The following GPR158 variants were observed in gnomAD, a reference collection of about 807,000 sequenced individuals.
The protein encoded by GPR158 is G protein-coupled receptor 158.
Under a neutral mutation model 78.2 loss-of-function variants are expected in GPR158, and 30 were observed. That is an observed-to-expected ratio of 0.38 (90% CI 0.29 to 0.52). GPR158 has a LOEUF of 0.52. GPR158 is among the 20% of genes least tolerant of loss of function. The pLI is 0.83. For synonymous variants in GPR158, 581 were observed against 591.1 expected (o/e 0.98, Z 0.25); for missense variants, 1,463 against 1,523.5 (o/e 0.96, Z 0.66).
chr10:25,225,550 T>C lies in GPR158; in HGVS notation c.1008+4393T>C, dbSNP rs187802404. ...AGGGCATTAACATTAATCCAAGTCC[T>C]ACATAAAACAAGGCTTAACAGCTTA... On this transcript the variant is annotated intron_variant, in intron 2 of 10. Transcript: ENST00000376351. 2.0e-3 allele frequency among the ~76,000 whole-genome samples: 297 copies of C among 152,250 alleles called. 3 individuals carry two copies. The highest frequency in any genetic ancestry group is 5.8e-3 in the South Asian group (28 of 4,828).
chr10:25,213,149 C>T (rs1281226057), intron 1 of GPR158, among the ~76,000 whole-genome samples: 1 of 151,796 alleles, frequency 6.6e-6, no homozygotes, highest in East Asian at 1.9e-4. Context: ...TCTCATTTTT[C>T]TTTTTCAGTT....
In GPR158 at chr10:25,178,060, G is replaced by A. The variant is rs193123618; in HGVS notation, c.902+1738G>A. Among the ~76,000 whole-genome samples, 34 of 152,316 alleles carry A rather than the reference G, an allele frequency of 2.2e-4. No homozygotes were observed. The South Asian group carries it at 6.4e-3, about 29-fold the overall frequency. On this transcript the variant is annotated intron_variant, in intron 1 of 10. Transcript: ENST00000376351. Reference sequence around the variant, plus strand: ...GAGCCCCAAGTCCCAGGATTTATCTGTCTTTTTCATCTAACATTCGCTTTA... The same window carrying A: ...GAGCCCCAAGTCCCAGGATTTATCTATCTTTTTCATCTAACATTCGCTTTA...
At position 25,522,706 on chromosome 10, in the gene GPR158, G is replaced by A. The variant is rs190697741; in HGVS notation, c.1405-28270G>A. On this transcript the variant is annotated intron_variant, in intron 5 of 10. Coordinates refer to ENST00000376351, the MANE Select transcript of GPR158 (RefSeq NM_020752.3). ...TATTATTTATGGATACATATAAATG[G>A]AACAAACATAGAAAACATGTACTGG... 1.1e-4 allele frequency among the ~76,000 whole-genome samples: 16 copies of A among 152,258 alleles called. No individual in the cohort carries two copies. The East Asian group carries it at 3.1e-3, about 29-fold the overall frequency.
chr10:25,498,621 C>G (rs1233554375), intron 5 of GPR158, among the ~76,000 whole-genome samples: 2 of 152,040 alleles, frequency 1.3e-5, no homozygotes, highest in Non-Finnish European at 2.9e-5. Flanking sequence ...AGTTTTGTGC[C>G]CAGCTGTCTA....
Position 25,589,052 on chromosome 10 carries a change from T to C in GPR158, c.1799T>C (p.Val600Ala). 6.2e-7 allele frequency: 1 copy of C among 1,611,772 alleles called. No individual in the cohort carries two copies. The highest frequency in any genetic ancestry group is 1.1e-5 in the South Asian group (1 of 90,840). The change falls in exon 8 of 11, where the codon GTG becomes GCG. Residue 600 changes from valine (V) to alanine (A), a missense_variant. Val to Ala is a moderately conservative substitution (Grantham distance 64, BLOSUM62 0). Coordinates refer to ENST00000376351, the MANE Select transcript of GPR158 (RefSeq NM_020752.3). ...LLWGVYLCYA[V>A]RTVPSAFHEP... is the part of the protein sequence containing the mutation. ...TGGGGTGTTTATCTCTGCTATGCAGTGCGGACAGTCCCATCGGCATTCCAT... is the reference window on the plus strand; with the variant it reads ...TGGGGTGTTTATCTCTGCTATGCAGCGCGGACAGTCCCATCGGCATTCCAT...
chr10:25,252,668 G>A (rs375923614), intron 2 of GPR158, among the ~76,000 whole-genome samples: 22 of 151,538 alleles, frequency 1.5e-4, no homozygotes, highest in African/African-American at 5.4e-4. Flanking sequence ...GCAGTCTGCC[G>A]GTTCTCAGAT....
intron 2 of GPR158, among the ~76,000 whole-genome samples, chr10:25,242,809 A>G (rs189367973): frequency 3.2e-4 from 48 of 152,308 alleles, no homozygotes; most frequent in Admixed American, 1.7e-3. Context: ...CAGAGAATAT[A>G]TATCATGTGG....
In GPR158 at chr10:25,514,527, T is replaced by C. The variant is rs141119029; in HGVS notation, c.1405-36449T>C. Among the ~76,000 whole-genome samples, 1,168 of 152,262 alleles carry C rather than the reference T, an allele frequency of 7.7e-3. 57 individuals are homozygous for C. The highest frequency in any genetic ancestry group is 4.8e-3 in the East Asian group (25 of 5,186). On this transcript the variant is annotated intron_variant, in intron 5 of 10. Coordinates refer to ENST00000376351, the MANE Select transcript of GPR158 (RefSeq NM_020752.3). ...TACATTCAATGTTAGTATTGAGATA[T>C]TGAGATGTGAAGTACTATTCTATTC...
rs539048712 is a variant in GPR158 at position 25,317,717 on chromosome 10, T to G, written c.1009-78194T>G. On this transcript the variant is annotated intron_variant, in intron 2 of 10. Coordinates refer to ENST00000376351, the MANE Select transcript of GPR158 (RefSeq NM_020752.3). Reference sequence around the variant, plus strand: ...TAAATTCTGTTTTCTTCGTAAAGTGTTTTTTTTTGTTTTGTTTTGTTTTGT... The same window carrying G: ...TAAATTCTGTTTTCTTCGTAAAGTGGTTTTTTTTGTTTTGTTTTGTTTTGT... Among the ~76,000 whole-genome samples the G allele has an allele frequency of 3.5e-4, 40 of 115,464 alleles. No homozygotes were observed. In the East Asian group the frequency reaches 8.0e-3, roughly 23 times the overall value. The allele number at this position is 115,464 out of a possible 152,430, so 75.7% of individuals were successfully genotyped here. A position where few individuals can be genotyped will look rare whatever the true frequency, so the allele number is the denominator to read the frequency against.
intron 6 of GPR158, among the ~76,000 whole-genome samples, chr10:25,565,635 G>A (rs1204710825): frequency 6.6e-6 from 1 of 152,154 alleles, no homozygotes; most frequent in African/African-American, 2.4e-5. Flanking sequence ...AGATGATTTT[G>A]CTACTGACTG....
chr10:25,483,402 T>C (rs759938628), intron 5 of GPR158, among the ~76,000 whole-genome samples: 28 of 152,128 alleles, frequency 1.8e-4, no homozygotes, highest in Admixed American at 3.3e-4. Flanking sequence ...TGCTAAAATA[T>C]ATTCTTCTTG....
At chr10:25,202,058 C>T (rs1852936544) in intron 1 of GPR158, among the ~76,000 whole-genome samples, 1 of 152,028 alleles carries the variant, frequency 6.6e-6, no homozygotes, top group African/African-American at 2.4e-5. Context: ...ATTATATTAG[C>T]TCTTCATTTT....
At chr10:25,447,138 C>G (rs999848285) in intron 4 of GPR158, among the ~76,000 whole-genome samples, 1 of 151,754 alleles carries the variant, frequency 6.6e-6, no homozygotes, top group Non-Finnish European at 1.5e-5. Flanking sequence ...TTGTTTATAC[C>G]TAAGGAGGAC....
intron 5 of GPR158, among the ~76,000 whole-genome samples, chr10:25,524,581 C>T (rs916546717): frequency 3.3e-5 from 5 of 152,102 alleles, no homozygotes; most frequent in African/African-American, 1.2e-4. Context: ...ACTGGATATC[C>T]ATAAGCAGAA....
intron 4 of GPR158, among the ~76,000 whole-genome samples, chr10:25,435,565 G>C (rs1834987741): frequency 1.3e-5 from 2 of 152,204 alleles, no homozygotes; most frequent in Admixed American, 1.3e-4. Context: ...CAGTGGCAGA[G>C]TGGAGAGGTG....
At position 25,600,614 on chromosome 10, in the gene GPR158, C is replaced by G. The variant is rs142455873; in HGVS notation, c.*1340C>G. 39 of 152,696 alleles carry G rather than the reference C, an allele frequency of 2.6e-4. No homozygotes were observed. The highest frequency in any genetic ancestry group is 8.7e-4 in the African/African-American group (36 of 41,570). 9.5% of individuals were successfully genotyped at this position (152,696 alleles called of 1,614,324 possible). A position where few individuals can be genotyped will look rare whatever the true frequency, so the allele number is the denominator to read the frequency against. ...AAACTCTTATTCATTGCTTCAGCTACAGGTAGAACTTGCTGGGCTCAAATC... is the reference window on the plus strand; with the variant it reads ...AAACTCTTATTCATTGCTTCAGCTAGAGGTAGAACTTGCTGGGCTCAAATC... On this transcript the variant is annotated 3_prime_UTR_variant, in exon 11 of 11. Transcript: ENST00000376351.
At chr10:25,376,257 G>C (rs1253974049) in intron 2 of GPR158, among the ~76,000 whole-genome samples, 4 of 151,424 alleles carry the variant, frequency 2.6e-5, no homozygotes, top group Non-Finnish European at 4.4e-5. Context: ...TAAGTCTCTT[G>C]TGTATTTTTT....
chr10:25,375,090 G>A (rs1249013606), intron 2 of GPR158, among the ~76,000 whole-genome samples: 2 of 151,594 alleles, frequency 1.3e-5, no homozygotes, highest in Non-Finnish European at 3.0e-5. Flanking sequence ...TTTCATAAAT[G>A]TGTGATAATA....
At chr10:25,537,348 C>A (rs995327724) in intron 5 of GPR158, among the ~76,000 whole-genome samples, 1 of 152,182 alleles carries the variant, frequency 6.6e-6, no homozygotes, top group South Asian at 2.1e-4. Flanking sequence ...AGACCATATA[C>A]TTCTTTGACT....
Sources: gnomAD v4.1 joint callset for allele counts (sites outside exome capture counted in the v4.1 genomes callset) on GRCh38, gnomAD v4.1.1 for gene constraint, MANE v1.5 for transcripts, NCBI Gene and HGNC (gene_info 2026-07-23, HGNC 2026-07-21) for gene names.